The following FYN variants were observed in gnomAD, a reference collection of about 807,000 sequenced individuals.
FYN encodes the protein FYN proto-oncogene, Src family tyrosine kinase.
Under a neutral mutation model 70.2 loss-of-function variants are expected in FYN, and 10 were observed. The observed-to-expected ratio is 0.14, with a 90% CI of 0.09 to 0.24. The LOEUF (loss-of-function observed/expected upper bound fraction) is 0.24, where lower values mean the gene tolerates loss of function less well. Among genes scored for constraint, FYN ranks in the 10% least tolerant of loss-of-function variants. The pLI, the probability that FYN is intolerant of heterozygous loss-of-function variation, is 1.00. For missense variants in FYN, 319 were observed against 673.1 expected (o/e 0.47, Z 5.82); for synonymous variants, 236 against 248.6 (o/e 0.95, Z 0.48).
chr6:111,694,543 G>A lies in FYN; in HGVS notation c.1120-15C>T. ...CCTGCAGCCACCTGTGGAAACCCAG[G>A]GAACAGGACATGTTACACCACGACC... On this transcript the variant is annotated splice_polypyrimidine_tract_variant and intron_variant, in intron 11 of 13. Transcript: ENST00000354650. This position sits in a 1 kb window ranked among gnomAD's most constrained non-coding sequence, Gnocchi z 5.0. 1 of 1,614,040 alleles carries A rather than the reference G, an allele frequency of 6.2e-7. No homozygotes were observed. Among genetic ancestry groups the A allele is most frequent in the East Asian group, 2.2e-5 (1 of 44,884 alleles).
At chr6:111,685,496 G>A (rs924837022) in intron 12 of FYN, among the ~76,000 whole-genome samples, 1 of 152,248 alleles carries the variant, frequency 6.6e-6, no homozygotes. Flanking sequence ...GGATGGCAGA[G>A]CAATGCCACT....
chr6:111,736,855 A>C (rs572677420), intron 3 of FYN, among the ~76,000 whole-genome samples: 7 of 152,332 alleles, frequency 4.6e-5, no homozygotes, highest in Non-Finnish European at 8.8e-5. Flanking sequence ...TTTTCTATAT[A>C]GGTTCACTGC....
At chr6:111,861,294 C>G (rs1411860855) in intron 1 of FYN, among the ~76,000 whole-genome samples, 1 of 152,088 alleles carries the variant, frequency 6.6e-6, no homozygotes, top group African/African-American at 2.4e-5. Context: ...AATATTGACG[C>G]TGATGTGTAC....
At chr6:111,857,483 A>G (rs1174119037) in intron 1 of FYN, among the ~76,000 whole-genome samples, 1 of 152,216 alleles carries the variant, frequency 6.6e-6, no homozygotes, top group Non-Finnish European at 1.5e-5. Flanking sequence ...CAGGTATACT[A>G]AGCCACGATT....
intron 3 of FYN, among the ~76,000 whole-genome samples, chr6:111,742,952 G>C (rs1479548546): frequency 2.0e-5 from 3 of 150,854 alleles, no homozygotes; most frequent in Non-Finnish European, 4.4e-5. Context: ...GATCACAAAG[G>C]GGCTTGATAA....
chr6:111,747,337 A>G (rs1359582120), intron 3 of FYN, among the ~76,000 whole-genome samples: 2 of 152,256 alleles, frequency 1.3e-5, no homozygotes, highest in African/African-American at 2.4e-5. Flanking sequence ...GGGCTTATTA[A>G]GCAGAGCCAA....
At chr6:111,710,227 T>C (rs1023367371) in intron 5 of FYN, among the ~76,000 whole-genome samples, 1 of 152,220 alleles carries the variant, frequency 6.6e-6, no homozygotes, top group African/African-American at 2.4e-5. Flanking sequence ...ATCAAGTTAG[T>C]TCTAATTGAA....
intron 13 of FYN, among the ~76,000 whole-genome samples, chr6:111,673,639 T>TTTTTTTTTG: frequency 6.7e-6 from 1 of 150,328 alleles, no homozygotes; most frequent in South Asian, 2.1e-4. Context: ...TTTTTTTTTT[T>TTTTTTTTTG]TTCTTTAAGC....
chr6:111,871,139 C>G (rs542723030), intron 1 of FYN, among the ~76,000 whole-genome samples: 24 of 152,282 alleles, frequency 1.6e-4, no homozygotes, highest in African/African-American at 5.5e-4. Context: ...TTGACAATAT[C>G]GATTAAGCAT....
intron 12 of FYN, among the ~76,000 whole-genome samples, chr6:111,684,173 T>C (rs1010327769): frequency 6.6e-6 from 1 of 152,108 alleles, no homozygotes; most frequent in Non-Finnish European, 1.5e-5. Context: ...AGGAATGCTG[T>C]CCCACCGGGG....
chr6:111,769,271 T>G lies in FYN; in HGVS notation c.-12+11295A>C, dbSNP rs569820064. Among the ~76,000 whole-genome samples the G allele has an allele frequency of 2.7e-4, 41 of 152,324 alleles. 1 individual carries two copies. Among genetic ancestry groups the G allele is most frequent in the African/African-American group, 9.6e-4 (40 of 41,566 alleles). Reference sequence around the variant, plus strand: ...ACTTAACTGAGAATGTTGGAAGATGTGGGGTTCTGGCCTCTAATTAGTAAT... The same window carrying G: ...ACTTAACTGAGAATGTTGGAAGATGGGGGGTTCTGGCCTCTAATTAGTAAT... On this transcript the variant is annotated intron_variant, in intron 3 of 13. Transcript: ENST00000354650.
At chr6:111,703,452 G>A (rs983101826) in intron 7 of FYN, among the ~76,000 whole-genome samples, 1 of 152,184 alleles carries the variant, frequency 6.6e-6, no homozygotes, top group Admixed American at 6.5e-5. Context: ...TCTAAGGCTT[G>A]TTTCTCTAGA....
intron 5 of FYN, among the ~76,000 whole-genome samples, chr6:111,710,017 A>C (rs968217697): frequency 6.6e-6 from 1 of 152,172 alleles, no homozygotes; most frequent in African/African-American, 2.4e-5. Flanking sequence ...TTGGAGACAT[A>C]ATCTTCACTT....
chr6:111,866,118 TAAC>T (rs1291785455), intron 1 of FYN, among the ~76,000 whole-genome samples: 1 of 152,210 alleles, frequency 6.6e-6, no homozygotes, highest in African/African-American at 2.4e-5. Flanking sequence ...ACATATGGAT[TAAC>T]AACAGCAGCA....
intron 2 of FYN, among the ~76,000 whole-genome samples, chr6:111,821,797 A>C (rs1337796347): frequency 1.3e-5 from 2 of 152,120 alleles, no homozygotes; most frequent in Non-Finnish European, 2.9e-5. Flanking sequence ...AGAAAAAAAA[A>C]CCCCATCAAC....
chr6:111,684,079 T>G (rs1038418133), intron 12 of FYN, among the ~76,000 whole-genome samples: 14 of 152,172 alleles, frequency 9.2e-5, no homozygotes, highest in African/African-American at 3.1e-4. Flanking sequence ...AAAGTATATG[T>G]TACAATGGGT....
At chr6:111,798,784 C>A (rs1401477164) in intron 2 of FYN, among the ~76,000 whole-genome samples, 1 of 152,180 alleles carries the variant, frequency 6.6e-6, no homozygotes, top group Non-Finnish European at 1.5e-5. Flanking sequence ...AAACAAAAAG[C>A]GTTCTGGGCT....
At chr6:111,663,767 G>A (rs984027337) in intron 13 of FYN, among the ~76,000 whole-genome samples, 1 of 152,122 alleles carries the variant, frequency 6.6e-6, no homozygotes, top group African/African-American at 2.4e-5. Context: ...CAGTTGCATG[G>A]GAGGAGTGAG....
chr6:111,785,669 CTTTTT>C (rs370923944), intron 2 of FYN, among the ~76,000 whole-genome samples: 2 of 148,570 alleles, frequency 1.3e-5, no homozygotes, highest in African/African-American at 4.9e-5. Flanking sequence ...TTCTTTTTTT[CTTTTT>C]TTTTTATTAC....
Sources: gnomAD v4.1 joint callset for allele counts (sites outside exome capture counted in the v4.1 genomes callset) on GRCh38, gnomAD v4.1.1 for gene constraint, Gnocchi (gnomAD v3.1) non-coding constraint, MANE v1.5 for transcripts, NCBI Gene and HGNC (gene_info 2026-07-23, HGNC 2026-07-21) for gene names.